Variants in TEX11 observed in about 807,000 individuals in gnomAD.
TEX11 encodes the protein testis expressed 11, also known as testis-expressed protein 11.
A neutral mutation model predicts 84.4 loss-of-function variants in TEX11; 7 were observed. The ratio of observed to expected loss-of-function variants is 0.08; its 90% CI spans 0.05 to 0.16. TEX11 has a LOEUF of 0.16. Ranked by LOEUF, TEX11 falls within the 10% of genes least tolerant of loss-of-function variation. The pLI is 1.00. For missense variants in TEX11, 551 were observed against 660.5 expected (o/e 0.83, Z 1.82); for synonymous variants, 264 against 222.8 (o/e 1.18, Z -1.64).
the TEX11 span, among the ~76,000 whole-genome samples, chrX:70,522,922 G>C: frequency 9.1e-6 from 1 of 109,718 alleles, no homozygotes; most frequent in African/African-American, 3.3e-5. Flanking sequence ...AAGATGGTAA[G>C]ATGGAACTGC....
intron 2 of TEX11, among the ~76,000 whole-genome samples, chrX:70,891,463 G>A (rs1001833135): frequency 1.8e-5 from 2 of 111,066 alleles, no homozygotes; most frequent in African/African-American, 6.5e-5. Context: ...CAAACCCATC[G>A]CAAGGAAGCT....
chrX:70,538,273 G>T (rs1256125845), intron 28 of TEX11, among the ~76,000 whole-genome samples: 1 of 111,249 alleles, frequency 9.0e-6, no homozygotes, highest in Admixed American at 9.6e-5. Context: ...GTTGTTAAAA[G>T]ATTTGAGGGA....
intron 9 of TEX11, among the ~76,000 whole-genome samples, chrX:70,756,264 T>C (rs1258689615): frequency 8.9e-6 from 1 of 112,041 alleles, no homozygotes; most frequent in Non-Finnish European, 1.9e-5. Flanking sequence ...AGAGCAGTGG[T>C]TCTCCCAGCA....
intron 11 of TEX11, among the ~76,000 whole-genome samples, chrX:70,728,460 C>A (rs1260220921): frequency 8.9e-6 from 1 of 112,911 alleles, no homozygotes; most frequent in Non-Finnish European, 1.9e-5. Context: ...AGGTCACTCC[C>A]ACCATAATAC....
At chrX:70,548,639 C>A (rs1267391046) in intron 28 of TEX11, among the ~76,000 whole-genome samples, 1 of 111,015 alleles carries the variant, frequency 9.0e-6, no homozygotes, top group Non-Finnish European at 1.9e-5. Context: ...TTGCTTGGAA[C>A]TCAGTGCTGC....
chrX:70,616,252 GATATAA>G (rs778300874), intron 20 of TEX11, among the ~76,000 whole-genome samples: 1 of 111,580 alleles, frequency 9.0e-6, no homozygotes, highest in Admixed American at 9.5e-5. Context: ...GACAGTATAA[GATATAA>G]ATAGAAACAA....
chrX:70,665,271 C>T (rs979716913), intron 16 of TEX11, among the ~76,000 whole-genome samples: 2 of 111,439 alleles, frequency 1.8e-5, no homozygotes, highest in South Asian at 7.6e-4. Context: ...AGTCATTATC[C>T]ATCTGTCAAC....
At chrX:70,897,162 A>ATT (rs771835697) in intron 2 of TEX11, among the ~76,000 whole-genome samples, 2 of 48,642 alleles carry the variant, frequency 4.1e-5, no homozygotes, top group Non-Finnish European at 1.0e-4. Context: ...TATAACATAT[A>ATT]TATTTTTATA....
intron 13 of TEX11, among the ~76,000 whole-genome samples, chrX:70,686,933 TA>T (rs2090194147): frequency 9.0e-6 from 1 of 111,338 alleles, no homozygotes; most frequent in Admixed American, 9.6e-5. Flanking sequence ...CCCATAGTTT[TA>T]AAAAAAGAAG....
intron 25 of TEX11, among the ~76,000 whole-genome samples, chrX:70,560,201 A>G (rs1334072872): frequency 1.9e-5 from 2 of 105,987 alleles, no homozygotes; most frequent in Non-Finnish European, 3.9e-5. Context: ...CCCAGGCTGG[A>G]GTGCAAAGGC....
intron 12 of TEX11, chrX:70,724,019 G>A (rs2090581031): frequency 1.4e-6 from 1 of 702,305 alleles, no homozygotes; most frequent in Non-Finnish European, 1.7e-6. Context: ...ATTGAGTTAA[G>A]TAAAAGCAAT....
At chrX:70,547,427 TTAAAC>T (rs1489228063) in intron 28 of TEX11, among the ~76,000 whole-genome samples, 1 of 111,297 alleles carries the variant, frequency 9.0e-6, no homozygotes, top group Non-Finnish European at 1.9e-5. Flanking sequence ...TGGGATCTAA[TTAAAC>T]TAAAGAGCTC....
the TEX11 span, among the ~76,000 whole-genome samples, chrX:70,519,952 G>GTTT: frequency 8.9e-6 from 1 of 111,765 alleles, no homozygotes; most frequent in African/African-American, 3.2e-5. Context: ...TCATGCCATG[G>GTTT]TTTTAAGCTC....
intron 13 of TEX11, among the ~76,000 whole-genome samples, chrX:70,702,752 T>C (rs947615050): frequency 2.7e-5 from 3 of 111,908 alleles, no homozygotes; most frequent in Non-Finnish European, 5.6e-5. Context: ...TCCATCTCTA[T>C]AATTTTGTTG....
At chrX:70,568,457 G>C (rs2147965821) in intron 25 of TEX11, among the ~76,000 whole-genome samples, 1 of 109,266 alleles carries the variant, frequency 9.2e-6, no homozygotes, top group East Asian at 2.9e-4. Flanking sequence ...TATGATGTTA[G>C]CTGGTTATTT....
chrX:70,571,935 C>T (rs2088605142), intron 25 of TEX11, among the ~76,000 whole-genome samples: 1 of 110,956 alleles, frequency 9.0e-6, no homozygotes, highest in African/African-American at 3.3e-5. Flanking sequence ...AGACATTGTG[C>T]TAAGATAACT....
At chrX:70,634,125 A>G (rs1490792322) in intron 17 of TEX11, among the ~76,000 whole-genome samples, 1 of 111,789 alleles carries the variant, frequency 8.9e-6, no homozygotes, top group Non-Finnish European at 1.9e-5. Context: ...CATTTAAAAT[A>G]GCATAAAATA....
intron 2 of TEX11, among the ~76,000 whole-genome samples, chrX:70,898,766 C>G (rs2091787283): frequency 9.0e-6 from 1 of 110,558 alleles, no homozygotes; most frequent in Non-Finnish European, 1.9e-5. Flanking sequence ...CCAGCACACT[C>G]AGCTAATTTT....
chrX:70,627,690 A>C (rs1193544578), intron 18 of TEX11, among the ~76,000 whole-genome samples: 1 of 111,477 alleles, frequency 9.0e-6, no homozygotes, highest in Non-Finnish European at 1.9e-5. Context: ...CACTCTCACT[A>C]CCCTTGTCTA....
Sources: gnomAD v4.1 joint callset for allele counts (sites outside exome capture counted in the v4.1 genomes callset) on GRCh38, gnomAD v4.1.1 for gene constraint, MANE v1.5 for transcripts, NCBI Gene and HGNC (gene_info 2026-07-23, HGNC 2026-07-21) for gene names.